PELO: variants seen among roughly 807,000 people sequenced by gnomAD.
PELO encodes protein pelota homolog.
In PELO, 19 loss-of-function variants were observed where a neutral mutation model predicts 25.9. That is an observed-to-expected ratio of 0.73 (90% CI 0.51 to 1.08). The LOEUF is 1.08. PELO is among the 50% of genes least tolerant of loss of function. PELO has a pLI of 0.00. For missense variants in PELO, 498 were observed against 491.4 expected, an observed-to-expected ratio of 1.01 and a Z score of -0.13; for synonymous variants, 196 against 192.2, an observed-to-expected ratio of 1.02 and a Z score of -0.16.
At chr5:52,801,384 C>G in intron 2 of PELO, 25 bp from the exon 3 acceptor site, 2 of 1,585,984 alleles carry the variant, frequency 1.3e-6, no homozygotes, top group South Asian at 1.1e-5. Flanking sequence ...ATTATTTTGC[C>G]TAACTTTTGT....
At position 52,788,190 on chromosome 5, in the gene PELO, C is replaced by G; in HGVS notation, c.-735C>G. ...CGCATTTAGAGGAATTCGACGAAAA[C>G]ACAGGAAATCACTCCTCTCCCGCTC... is the stretch of plus-strand genomic sequence containing the variant. On this transcript the variant is annotated 5_prime_UTR_variant, in exon 1 of 3. Transcript: ENST00000274311. 2.0e-6 allele frequency: 1 copy of G among 492,516 alleles called. No homozygotes were observed. Among genetic ancestry groups the G allele is most frequent in the Non-Finnish European group, 3.5e-6 (1 of 281,706 alleles). The allele number at this position is 492,516 out of a possible 1,614,324, so 30.5% of individuals were successfully genotyped here. A position where few individuals can be genotyped will look rare whatever the true frequency, so the allele number is the denominator to read the frequency against.
chr5:52,801,664 C>T lies in PELO; in HGVS notation c.982C>T (p.Arg328Trp). 4 of 1,614,060 alleles carry T rather than the reference C, an allele frequency of 2.5e-6. No individual in the cohort carries two copies. Among genetic ancestry groups the T allele is most frequent in the Non-Finnish European group, 3.4e-6 (4 of 1,179,960 alleles). The change falls in exon 3 of 3, where the codon CGG becomes TGG. Residue 328 changes from arginine (R) to tryptophan (W), a missense_variant. Coordinates refer to ENST00000274311, the MANE Select transcript of PELO (RefSeq NM_015946.5). ...FRHQDVATRS[R>W]YVRLVDSVKE... ...GCATCAGGATGTAGCCACACGGAGC[C>T]GGTATGTGAGGCTGGTGGACAGTGT...
In PELO at chr5:52,800,080, C is replaced by G. The variant is rs1459348840; in HGVS notation, c.-315C>G. ...CGTGCGTCGGGTCGCGGGACGGGGG[C>G]TGCGCATGCGCCTTCATTTCGTCAG... On this transcript the variant is annotated 5_prime_UTR_variant, in exon 2 of 3. Transcript: ENST00000274311. 2.9e-6 allele frequency: 1 copy of G among 348,636 alleles called. No individual in the cohort carries two copies. The highest frequency in any genetic ancestry group is 6.5e-5 in the East Asian group (1 of 15,462). The allele number at this position is 348,636 out of a possible 1,614,324, so 21.6% of individuals were successfully genotyped here. A position where few individuals can be genotyped will look rare whatever the true frequency, so the allele number is the denominator to read the frequency against.
chr5:52,800,128 G>C lies in PELO; in HGVS notation c.-267G>C, dbSNP rs1275357273. Reference sequence around the variant, plus strand: ...CAGCCCGCTGTTGCGTGCTGCCAGCGGGAACTGTGTAGGGGTAGATTTTCG... The same window carrying C: ...CAGCCCGCTGTTGCGTGCTGCCAGCCGGAACTGTGTAGGGGTAGATTTTCG... On this transcript the variant is annotated 5_prime_UTR_variant, in exon 2 of 3. Transcript: ENST00000274311. 2.3e-6 allele frequency: 1 copy of C among 431,988 alleles called. No individual in the cohort carries two copies. The highest frequency in any genetic ancestry group is 4.2e-6 in the Non-Finnish European group (1 of 239,110). 26.8% of individuals were successfully genotyped at this position (431,988 alleles called of 1,614,324 possible).
chr5:52,800,040 T>G lies in PELO; in HGVS notation c.-355T>G. The G allele has an allele frequency of 3.3e-6, 1 of 303,724 alleles. No individual in the cohort carries two copies. The allele number at this position is 303,724 out of a possible 1,614,324, so 18.8% of individuals were successfully genotyped here. A position where few individuals can be genotyped will look rare whatever the true frequency, so the allele number is the denominator to read the frequency against. On this transcript the variant is annotated 5_prime_UTR_variant, in exon 2 of 3. Transcript: ENST00000274311. Reference sequence around the variant, plus strand: ...GCGCGAACTGCGGCCCCGCCTCTCCTTTGGGGACGGGAGACGTGCGTCGGG... The same window carrying G: ...GCGCGAACTGCGGCCCCGCCTCTCCGTTGGGGACGGGAGACGTGCGTCGGG...
intron 1 of PELO, among the ~76,000 whole-genome samples, chr5:52,793,107 C>T (rs930058052): frequency 2.6e-5 from 4 of 152,022 alleles, no homozygotes; most frequent in African/African-American, 4.8e-5. Context: ...TAGATTGGAC[C>T]CTACCTTAGG....
intron 1 of PELO, among the ~76,000 whole-genome samples, chr5:52,790,991 A>C (rs182588868): frequency 2.6e-5 from 4 of 152,266 alleles, no homozygotes; most frequent in Admixed American, 2.0e-4. Context: ...ACATCTAAAT[A>C]AACTCTCTAC....
At position 52,803,857 on chromosome 5, in the gene PELO, G is replaced by A. The variant is rs1748538883; in HGVS notation, c.*2017G>A. 1 of 152,118 alleles carries A rather than the reference G, an allele frequency of 6.6e-6. No individual in the cohort carries two copies. The highest frequency in any genetic ancestry group is 2.1e-4 in the South Asian group (1 of 4,828). 9.4% of individuals were successfully genotyped at this position (152,118 alleles called of 1,614,324 possible). ...TGCATAATAAAATCTGATAAACAAA[G>A]GCAATAGGTTATTCTTCCTGTGCTG... On this transcript the variant is annotated 3_prime_UTR_variant, in exon 3 of 3. Transcript: ENST00000274311.
At chr5:52,798,314 G>T (rs771332299) in intron 1 of PELO, among the ~76,000 whole-genome samples, 1 of 152,182 alleles carries the variant, frequency 6.6e-6, no homozygotes, top group Non-Finnish European at 1.5e-5. Context: ...GAAACAAAGA[G>T]AAAAGAGGCC....
chr5:52,801,250 GAAATA>G, intron 2 of PELO, 130 bp downstream of exon 2: 1 of 1,157,502 alleles, frequency 8.6e-7, no homozygotes, highest in Non-Finnish European at 1.2e-6. Context: ...ATGAGATAAT[GAAATA>G]AAAAGAGAAT....
intron 1 of PELO, among the ~76,000 whole-genome samples, chr5:52,791,559 C>G (rs1748241090): frequency 6.6e-6 from 1 of 152,192 alleles, no homozygotes; most frequent in African/African-American, 2.4e-5. Context: ...AAGATCCAAC[C>G]TTCCAGAGAA....
rs1392549317 is a variant in PELO, at chr5:52,801,870, G to T, written c.*30G>T. 6.7e-7 allele frequency: 1 copy of T among 1,502,180 alleles called. No homozygotes were observed. Among genetic ancestry groups the T allele is most frequent in the South Asian group, 1.3e-5 (1 of 78,788 alleles). The allele number at this position is 1,502,180 out of a possible 1,614,324, so 93.1% of individuals were successfully genotyped here. On this transcript the variant is annotated 3_prime_UTR_variant, in exon 3 of 3. Coordinates refer to ENST00000274311, the MANE Select transcript of PELO (RefSeq NM_015946.5). ...TGAAACTTAAAATTGAGACAATCTT[G>T]TGTTTCCTAAACTGTTACAGTACAT...
At chr5:52,792,659 A>G (rs1748264754) in intron 1 of PELO, among the ~76,000 whole-genome samples, 1 of 152,282 alleles carries the variant, frequency 6.6e-6, no homozygotes, top group Non-Finnish European at 1.5e-5. Flanking sequence ...GAATTTCCAC[A>G]TCTTAACATA....
intron 1 of PELO, among the ~76,000 whole-genome samples, chr5:52,793,958 A>G (rs1356949048): frequency 1.3e-5 from 2 of 152,098 alleles, no homozygotes; most frequent in Non-Finnish European, 2.9e-5. Flanking sequence ...TATAGGAAGA[A>G]GACTAATTTT....
In PELO at chr5:52,801,775, A is replaced by G. The variant is rs776009993; in HGVS notation, c.1093A>G (p.Ile365Val). 7.2e-5 allele frequency: 116 copies of G among 1,614,020 alleles called. No individual in the cohort carries two copies. Among genetic ancestry groups the G allele is most frequent in the Non-Finnish European group, 8.8e-5 (104 of 1,180,002 alleles). The change falls in exon 3 of 3, where the codon ATT becomes GTT. Residue 365 changes from isoleucine (I) to valine (V), a missense_variant. Ile to Val is a conservative substitution (Grantham distance 29). Transcript: ENST00000274311. ...QLSQLTGVAA[I>V]LRFPVPELSD... is the part of the protein sequence containing the mutation. ...CAGCCAGTTGACTGGGGTAGCTGCC[A>G]TTCTCCGCTTCCCTGTTCCCGAACT...
At chr5:52,789,747 T>C (rs1400009077) in intron 1 of PELO, among the ~76,000 whole-genome samples, 1 of 152,252 alleles carries the variant, frequency 6.6e-6, no homozygotes, top group Non-Finnish European at 1.5e-5. Context: ...TATTTTGTTG[T>C]TTTTGTGCAA....
chr5:52,800,422 A>T lies in PELO; in HGVS notation c.28A>T (p.Lys10Ter), dbSNP rs11547950. ...GAAGCTCGTGAGGAAGAACATCGAG[A>T]AGGACAATGCGGGCCAGGTGACCCT... MKLVRKNIE[K>*]DNAGQVTLVP... is the part of the protein sequence containing the mutation. The change falls in exon 2 of 3, where the codon AAG becomes TAG. Residue 10 changes from lysine to a stop codon, truncating the protein, a stop_gained. Transcript: ENST00000274311. LOFTEE classifies it high-confidence loss of function. 1 of 1,613,998 alleles carries T rather than the reference A, an allele frequency of 6.2e-7. No individual in the cohort carries two copies. The highest frequency in any genetic ancestry group is 2.2e-5 in the East Asian group (1 of 44,870).
In PELO at chr5:52,802,176, C is replaced by T. The variant is rs1748502867; in HGVS notation, c.*336C>T. ...GTTTGGGATAGATTGCAAAATTTCA[C>T]ACTGCATGCTTTGAAACAGTTTTCC... is the stretch of plus-strand genomic sequence containing the variant. On this transcript the variant is annotated 3_prime_UTR_variant, in exon 3 of 3. Transcript: ENST00000274311. 5.3e-6 allele frequency: 1 copy of T among 187,784 alleles called. No individual in the cohort carries two copies. The highest frequency in any genetic ancestry group is 2.4e-5 in the African/African-American group (1 of 42,468). The allele number at this position is 187,784 out of a possible 1,614,324, so 11.6% of individuals were successfully genotyped here.
chr5:52,800,337 G>T lies in PELO; in HGVS notation c.-58G>T. On this transcript the variant is annotated 5_prime_UTR_variant, in exon 2 of 3. Coordinates refer to ENST00000274311, the MANE Select transcript of PELO (RefSeq NM_015946.5). ...CTGCATTCCCATCCCCTCTCCCGGG[G>T]CGGAGGTGAGGACCTCCTTGGTTCC... The T allele has an allele frequency of 6.3e-7, 1 of 1,592,440 alleles. No homozygotes were observed. Among genetic ancestry groups the T allele is most frequent in the Non-Finnish European group, 8.6e-7 (1 of 1,164,908 alleles).
Sources: gnomAD v4.1 joint callset for allele counts (sites outside exome capture counted in the v4.1 genomes callset) on GRCh38, gnomAD v4.1.1 for gene constraint, MANE v1.5 for transcripts, NCBI Gene and HGNC (gene_info 2026-07-23, HGNC 2026-07-21) for gene names.